CYRIB: variants seen among roughly 807,000 people sequenced by gnomAD.
The protein encoded by CYRIB is CYFIP related Rac1 interactor B.
In CYRIB, 8 loss-of-function variants were observed where a neutral mutation model predicts 44.2. The ratio of observed to expected loss-of-function variants is 0.18; its 90% CI spans 0.11 to 0.33. CYRIB has a LOEUF of 0.33. Among genes scored for constraint, CYRIB ranks in the 10% least tolerant of loss-of-function variants. The pLI, the probability that CYRIB is intolerant of heterozygous loss-of-function variation, is 1.00. For synonymous variants in CYRIB, 131 were observed against 127.2 expected, an observed-to-expected ratio of 1.03 and a Z score of -0.20; for missense variants, 185 against 382.8, an observed-to-expected ratio of 0.48 and a Z score of 4.31.
At chr8:129,943,086 A>AACCCCCCCCCCCCCCCC (rs2093840896), upstream of CYRIB, among the ~76,000 whole-genome samples, 1 of 101,576 alleles carries the variant, frequency 9.8e-6, no homozygotes, top group African/African-American at 3.3e-5. Context: ...TGCACCGCCC[A>AACCCCCCCCCCCCCCCC]CCCGCCCCCC....
intron 5 of CYRIB, among the ~76,000 whole-genome samples, chr8:129,860,369 T>A (rs1374361353): frequency 1.3e-5 from 2 of 152,196 alleles, no homozygotes; most frequent in East Asian, 3.8e-4. Context: ...TAAGAAAAGC[T>A]GTATATAGTA....
At chr8:129,871,555 T>C (rs2057228771) in intron 3 of CYRIB, 59 bp from the exon 6 acceptor site, 16 of 1,569,940 alleles carry the variant, frequency 1.0e-5, no homozygotes, top group Middle Eastern at 3.4e-4. Context: ...AAAATACATG[T>C]GTAACTCTAA....
At chr8:129,876,710 AGTCACCCAACTGCAGAGACATATTGG>A (rs759543228) in intron 3 of CYRIB, among the ~76,000 whole-genome samples, 129 of 150,522 alleles carry the variant, frequency 8.6e-4, no homozygotes, top group African/African-American at 1.9e-3. Context: ...TTATTTCTGT[AGTCACCCAACTGCAGAGACATATTGG>A]GTCACCCAAC....
chr8:129,962,472 A>C (rs1327952032), intron 2 of CYRIB, among the ~76,000 whole-genome samples: 1 of 152,064 alleles, frequency 6.6e-6, no homozygotes, highest in Non-Finnish European at 1.5e-5. Flanking sequence ...AATTAAAATA[A>C]AAATAAACGT....
In CYRIB at chr8:129,845,466, A is replaced by G. The variant is rs1340176900; in HGVS notation, c.911+1338T>C. The stretch of plus-strand genomic sequence containing the variant: ...AAAAACCCCAAGAATACAGAATTCT[A>G]AAAACTAGGCTTATGGTTAAAATAG... On this transcript the variant is annotated intron_variant, in intron 11 of 11. Transcript: ENST00000519824. Among the ~76,000 whole-genome samples the G allele has an allele frequency of 2.6e-5, 4 of 152,260 alleles. No homozygotes were observed. In the East Asian group the frequency reaches 7.7e-4, roughly 29 times the overall value.
At chr8:129,996,835 T>C (rs1289204874) in intron 1 of CYRIB, among the ~76,000 whole-genome samples, 1 of 152,006 alleles carries the variant, frequency 6.6e-6, no homozygotes, top group Non-Finnish European at 1.5e-5. Flanking sequence ...ACCCTGAAGA[T>C]AGAAGCCTGT....
rs1399547539 is a variant in CYRIB at position 129,974,939 on chromosome 8, G to A, written c.-295-3944C>T. Among the ~76,000 whole-genome samples the A allele has an allele frequency of 1.7e-4, 25 of 151,278 alleles. 1 individual carries two copies. Among genetic ancestry groups the A allele is most frequent in the African/African-American group, 4.4e-4 (18 of 41,000 alleles). ...TCGTTCTGTCACCCAGGCTGCAGTG[G>A]TGCGATCTTGGCTCACTGCAACCTC... On this transcript the variant is annotated intron_variant, in intron 1 of 14. Coordinates refer to the CYRIB transcript ENST00000401979.
At chr8:129,987,585 T>C (rs1296148501) in intron 1 of CYRIB, among the ~76,000 whole-genome samples, 1 of 125,988 alleles carries the variant, frequency 7.9e-6, no homozygotes, top group African/African-American at 3.6e-5. Flanking sequence ...TTTTTTTTTT[T>C]ATGAGACTGA....
At chr8:129,912,205 A>G (rs2078392841) in intron 1 of CYRIB, among the ~76,000 whole-genome samples, 1 of 152,202 alleles carries the variant, frequency 6.6e-6, no homozygotes, top group African/African-American at 2.4e-5. Flanking sequence ...CAGTTTATAT[A>G]TATACACGCT....
intron 1 of CYRIB, among the ~76,000 whole-genome samples, chr8:129,989,913 C>T (rs2096585086): frequency 1.3e-5 from 2 of 150,830 alleles, no homozygotes; most frequent in African/African-American, 2.4e-5. Flanking sequence ...CTTGTCCTTG[C>T]GATAGTTTGC....
intron 2 of CYRIB, among the ~76,000 whole-genome samples, chr8:129,894,912 A>AAT (rs67382851): frequency 3.9e-4 from 58 of 148,230 alleles, no homozygotes; most frequent in East Asian, 1.8e-3. Flanking sequence ...GAGTGTTAGA[A>AAT]ATATATATAT....
chr8:129,849,446 C>T, intron 9 of CYRIB, 77 bp from the exon 12 acceptor site: 1 of 1,386,406 alleles, frequency 7.2e-7, no homozygotes, highest in South Asian at 1.4e-5. Context: ...ACAAGAAAAA[C>T]CTCTTCTGAA....
intron 1 of CYRIB, among the ~76,000 whole-genome samples, chr8:129,920,971 A>G (rs544114157): frequency 2.6e-4 from 40 of 152,332 alleles, no homozygotes; most frequent in African/African-American, 9.4e-4. Context: ...TTAAAGTGCA[A>G]GAATAGGAAA....
intron 10 of CYRIB, chr8:129,847,123 G>A (rs957464763): frequency 1.8e-5 from 6 of 328,256 alleles, no homozygotes; most frequent in South Asian, 4.4e-5. Flanking sequence ...AAAAACAAAC[G>A]GTTTGCTAAG....
At chr8:129,988,093 G>A (rs1236448985) in intron 1 of CYRIB, among the ~76,000 whole-genome samples, 2 of 152,202 alleles carry the variant, frequency 1.3e-5, no homozygotes, top group African/African-American at 4.8e-5. Context: ...GGCGGGCTGA[G>A]GCCTAAAATG....
chr8:129,975,301 C>G (rs1223134472), intron 1 of CYRIB, among the ~76,000 whole-genome samples: 2 of 152,212 alleles, frequency 1.3e-5, no homozygotes, highest in Non-Finnish European at 2.9e-5. Flanking sequence ...CAGGCGTGAG[C>G]CACTGTGCCC....
intron 5 of CYRIB, among the ~76,000 whole-genome samples, chr8:129,857,212 T>C (rs1229313776): frequency 6.6e-6 from 1 of 152,166 alleles, no homozygotes; most frequent in Admixed American, 6.5e-5. Context: ...GGAGCCTTAT[T>C]ATATAGAGAG....
intron 1 of CYRIB, among the ~76,000 whole-genome samples, chr8:129,982,137 G>A (rs1224629849): frequency 1.3e-5 from 2 of 152,158 alleles, no homozygotes; most frequent in African/African-American, 4.8e-5. Context: ...AAGATGGCTG[G>A]TCACTGGTAG....
At chr8:129,880,977 T>A (rs1387129828) in intron 2 of CYRIB, among the ~76,000 whole-genome samples, 2 of 152,214 alleles carry the variant, frequency 1.3e-5, no homozygotes, top group Non-Finnish European at 2.9e-5. Context: ...ACACATAAAA[T>A]GTTTTTGATA....
Sources: allele counts gnomAD v4.1 joint callset (sites outside exome capture counted in the v4.1 genomes callset), GRCh38; gene constraint gnomAD v4.1.1; transcripts MANE v1.5; gene names NCBI Gene and HGNC (gene_info 2026-07-23, HGNC 2026-07-21).